PDIA4: variants seen among roughly 807,000 people sequenced by gnomAD.
The protein encoded by PDIA4 is protein disulfide-isomerase A4.
In PDIA4, 33 loss-of-function variants were observed where a neutral mutation model predicts 62.1. The observed-to-expected ratio is 0.53, with a 90% CI of 0.40 to 0.71. The LOEUF (loss-of-function observed/expected upper bound fraction) is 0.71. Ranked by LOEUF, PDIA4 falls within the 30% of genes least tolerant of loss-of-function variation. The pLI, the probability that PDIA4 is intolerant of heterozygous loss-of-function variation, is 0.00. For synonymous variants in PDIA4, 341 were observed against 324.1 expected (o/e 1.05, Z -0.56); for missense variants, 804 against 813.6 (o/e 0.99, Z 0.14).
chr7:149,011,211 G>T (rs1823932960), intron 6 of PDIA4, among the ~76,000 whole-genome samples: 1 of 152,122 alleles, frequency 6.6e-6, no homozygotes, highest in South Asian at 2.1e-4. Flanking sequence ...AATGAGGATG[G>T]CCAGGACCCT....
intron 4 of PDIA4, among the ~76,000 whole-genome samples, chr7:149,013,469 G>C (rs1824022717): frequency 6.6e-6 from 1 of 152,130 alleles, no homozygotes; most frequent in African/African-American, 2.4e-5. Context: ...TTGAGGCCAG[G>C]AGTTCAAGAC....
At chr7:149,007,175 G>A (rs1273288104) in intron 7 of PDIA4, among the ~76,000 whole-genome samples, 1 of 152,140 alleles carries the variant, frequency 6.6e-6, no homozygotes, top group Non-Finnish European at 1.5e-5. Flanking sequence ...TGGACACACA[G>A]ACCTTGAGAA....
intron 1 of PDIA4, among the ~76,000 whole-genome samples, chr7:149,024,805 A>C: frequency 8.7e-6 from 1 of 114,708 alleles, no homozygotes; most frequent in Non-Finnish European, 1.8e-5. Context: ...ACCGAGCAAG[A>C]CTGTCATTTA....
chr7:149,027,819 T>C (rs1426627590), intron 1 of PDIA4: 6 of 471,156 alleles, frequency 1.3e-5, no homozygotes, highest in Non-Finnish European at 2.2e-5. Context: ...CTCCAGAATC[T>C]ATGGATTAAT....
At chr7:149,026,186 A>T (rs1411930314) in intron 1 of PDIA4, among the ~76,000 whole-genome samples, 3 of 152,154 alleles carry the variant, frequency 2.0e-5, no homozygotes, top group Non-Finnish European at 2.9e-5. Flanking sequence ...AATCTATGAC[A>T]GGTTTTGACA....
In PDIA4 at chr7:149,008,883, T is replaced by C. The variant is rs528416698; in HGVS notation, c.980-573A>G. ...GGCTCACGCCTGTAATCTCAGCACT[T>C]TGTGAGGCTGAGGCAGGAGGACTGC... On this transcript the variant is annotated intron_variant, in intron 6 of 9. Transcript: ENST00000652332. Among the ~76,000 whole-genome samples the C allele has an allele frequency of 4.9e-4, 75 of 152,242 alleles. 1 individual carries two copies. The highest frequency in any genetic ancestry group is 4.0e-4 in the Non-Finnish European group (27 of 68,022).
chr7:149,024,475 T>A (rs1395824089), intron 1 of PDIA4, among the ~76,000 whole-genome samples: 1 of 151,932 alleles, frequency 6.6e-6, no homozygotes. Context: ...GGGGAACACT[T>A]TTCACTGGGC....
intron 1 of PDIA4, among the ~76,000 whole-genome samples, chr7:149,022,942 T>C (rs893567882): frequency 2.0e-5 from 3 of 152,236 alleles, no homozygotes; most frequent in African/African-American, 7.2e-5. Flanking sequence ...ATCCCACAGC[T>C]TTTCCTGACT....
At chr7:149,027,992 T>C (rs1247280776) in intron 1 of PDIA4, 2 of 543,410 alleles carry the variant, frequency 3.7e-6, no homozygotes, top group Non-Finnish European at 3.6e-6. Context: ...CTGACGAAAA[T>C]CTGTAAATTA....
chr7:149,021,042 A>C lies in PDIA4; in HGVS notation c.194T>G (p.Leu65Trp), dbSNP rs1467678009. 1.9e-6 allele frequency: 3 copies of C among 1,614,084 alleles called. No individual in the cohort carries two copies. Among genetic ancestry groups the C allele is most frequent in the Admixed American group, 1.7e-5 (1 of 60,000 alleles). ...DLEVKEENGVLVLNDANFDNF... is the reference protein window; with the variant it reads ...DLEVKEENGVWVLNDANFDNF... Reference sequence around the variant, plus strand: ...ATCAAAGTTTGCATCATTTAGGACCAAGACTCCATTTTCTTCCTTAACTTC... The same window carrying C: ...ATCAAAGTTTGCATCATTTAGGACCCAGACTCCATTTTCTTCCTTAACTTC... Residue 65 changes from leucine (L) to tryptophan (W), a missense_variant, in exon 2 of 10, where the codon TTG (leucine) becomes TGG (tryptophan). Physicochemically the swap from Leu to Trp is moderately conservative, Grantham distance 61. Coordinates refer to ENST00000652332, the MANE Select transcript of PDIA4 (RefSeq NM_004911.5).
intron 1 of PDIA4, among the ~76,000 whole-genome samples, chr7:149,026,951 G>A (rs7793916): frequency 0.24 from 36,744 of 151,868 alleles, 5,405 homozygotes; most frequent in African/African-American, 0.41. Context: ...AAACTTGCTG[G>A]TCCTAACAGC....
At chr7:149,012,051 C>T (rs570306170) in intron 5 of PDIA4, 47 bp from the exon 6 acceptor site, 83 of 1,600,530 alleles carry the variant, frequency 5.2e-5, no homozygotes, top group Non-Finnish European at 6.7e-5. Flanking sequence ...GAACTGCCCA[C>T]TTCCCATGGC....
chr7:149,023,976 G>T (rs960686955), intron 1 of PDIA4, among the ~76,000 whole-genome samples: 3 of 152,180 alleles, frequency 2.0e-5, no homozygotes, highest in South Asian at 2.1e-4. Context: ...GCGAGACATG[G>T]TGGATCACGC....
At chr7:149,015,701 C>T (rs1478791785) in intron 3 of PDIA4, among the ~76,000 whole-genome samples, 2 of 152,176 alleles carry the variant, frequency 1.3e-5, no homozygotes, top group South Asian at 2.1e-4. Flanking sequence ...CAAACTGTCA[C>T]TCTTTTTCCC....
At chr7:149,016,842 A>G (rs1824155515) in intron 3 of PDIA4, among the ~76,000 whole-genome samples, 1 of 152,136 alleles carries the variant, frequency 6.6e-6, no homozygotes, top group African/African-American at 2.4e-5. Flanking sequence ...GAGCTGGATC[A>G]CCCAGGTTCA....
At chr7:149,016,265 A>G (rs1259713996) in intron 3 of PDIA4, among the ~76,000 whole-genome samples, 2 of 152,176 alleles carry the variant, frequency 1.3e-5, no homozygotes, top group East Asian at 3.8e-4. Flanking sequence ...ACCACTGCAC[A>G]CTCCAGCCTG....
Position 149,027,474 on chromosome 7 carries a change from G to A in PDIA4, c.88+847C>T, listed in dbSNP as rs146079059. Among the ~76,000 whole-genome samples, 18 of 152,308 alleles carry A rather than the reference G, an allele frequency of 1.2e-4. No homozygotes were observed. In the East Asian group the frequency reaches 1.3e-3, roughly 11 times the overall value. ...ATTTATATTAGAACAAACTCAGAAG[G>A]TTAAAAAGCTAGTGATTAAAAGTAA... On this transcript the variant is annotated intron_variant, in intron 1 of 9. Coordinates refer to ENST00000652332, the MANE Select transcript of PDIA4 (RefSeq NM_004911.5).
chr7:149,011,354 A>G (rs570084124), intron 6 of PDIA4, among the ~76,000 whole-genome samples: 2 of 152,324 alleles, frequency 1.3e-5, no homozygotes, highest in South Asian at 2.1e-4. Context: ...TTCACTCCTC[A>G]GGCTAGCAAG....
intron 7 of PDIA4, 149 bp from the exon 8 acceptor site, chr7:149,006,202 C>T: frequency 1.5e-6 from 1 of 673,112 alleles, no homozygotes; most frequent in South Asian, 2.4e-5. Context: ...CCCACTCAAG[C>T]ACAGCCCAGT....
Sources: gnomAD v4.1 joint callset for allele counts (sites outside exome capture counted in the v4.1 genomes callset) on GRCh38, gnomAD v4.1.1 for gene constraint, MANE v1.5 for transcripts, NCBI Gene and HGNC (gene_info 2026-07-23, HGNC 2026-07-21) for gene names.